Variants in PCDH7 observed in about 807,000 individuals in gnomAD.
PCDH7 encodes protocadherin-7.
Under a neutral mutation model 58.9 loss-of-function variants are expected in PCDH7, and 17 were observed. The observed-to-expected ratio is 0.29, with a 90% confidence interval of 0.20 to 0.43. The LOEUF (loss-of-function observed/expected upper bound fraction) is 0.43. Ranked by LOEUF, PCDH7 falls within the 20% of genes least tolerant of loss-of-function variation. The probability of loss-of-function intolerance (pLI) is 1.00; values close to 1 mark genes in which losing one functional copy is unlikely to be tolerated. For missense variants in PCDH7, 1,274 were observed against 1,441.0 expected (o/e 0.88, Z 1.88); for synonymous variants, 664 against 616.4 (o/e 1.08, Z -1.14).
chr4:31,034,258 G>C (rs980318635), intron 3 of PCDH7, among the ~76,000 whole-genome samples: 4 of 151,932 alleles, frequency 2.6e-5, no homozygotes, highest in Non-Finnish European at 5.9e-5. Context: ...ACATCGAGTT[G>C]GACCTTGGCT....
chr4:30,967,093 G>T (rs1260292463), intron 3 of PCDH7, among the ~76,000 whole-genome samples: 1 of 152,012 alleles, frequency 6.6e-6, no homozygotes, highest in East Asian at 1.9e-4. Flanking sequence ...TATTTAAAGT[G>T]AAAATAATTT....
intron 3 of PCDH7, among the ~76,000 whole-genome samples, chr4:31,137,110 C>A (rs1220119949): frequency 6.6e-6 from 1 of 152,020 alleles, no homozygotes; most frequent in Admixed American, 6.6e-5. Flanking sequence ...TTTGTAAAAC[C>A]TTTTGTAAGT....
intron 3 of PCDH7, among the ~76,000 whole-genome samples, chr4:30,997,214 G>A (rs529500071): frequency 6.6e-6 from 1 of 152,066 alleles, no homozygotes; most frequent in Non-Finnish European, 1.5e-5. Context: ...CAAAATAAAT[G>A]TATTTATAAT....
chr4:30,948,135 T>C (rs1400511690), intron 2 of PCDH7, among the ~76,000 whole-genome samples: 3 of 152,102 alleles, frequency 2.0e-5, no homozygotes, highest in African/African-American at 7.2e-5. Context: ...GTGTATATAT[T>C]TACTTTTTAT....
chr4:31,097,637 T>TATATATATATATAA (rs1553850696), intron 3 of PCDH7, among the ~76,000 whole-genome samples: 2 of 89,296 alleles, frequency 2.2e-5, no homozygotes, highest in Non-Finnish European at 4.1e-5. Context: ...TATATATATA[T>TATATATATATATAA]AAATCTTTTT....
At chr4:30,824,331 T>G (rs1728835839) in intron 1 of PCDH7, among the ~76,000 whole-genome samples, 1 of 152,020 alleles carries the variant, frequency 6.6e-6, no homozygotes, top group African/African-American at 2.4e-5. Context: ...TGAAATCTGA[T>G]TTAATGTTCT....
intron 3 of PCDH7, among the ~76,000 whole-genome samples, chr4:30,981,278 T>A (rs892337894): frequency 6.6e-6 from 1 of 152,240 alleles, no homozygotes; most frequent in Non-Finnish European, 1.5e-5. Context: ...ACTACAAAGC[T>A]CAGTGATCTA....
At chr4:30,762,194 T>A (rs1479975241) in intron 1 of PCDH7, among the ~76,000 whole-genome samples, 1 of 152,336 alleles carries the variant, frequency 6.6e-6, no homozygotes, top group East Asian at 1.9e-4. Flanking sequence ...CTGTGTGTTA[T>A]TAAAATGCTG....
At chr4:30,969,055 A>C (rs955317356) in intron 3 of PCDH7, among the ~76,000 whole-genome samples, 2 of 152,330 alleles carry the variant, frequency 1.3e-5, no homozygotes, top group East Asian at 1.9e-4. Context: ...ATATTTACTG[A>C]GAGCCTGTTT....
chr4:30,922,177 T>A (rs1743265637), intron 2 of PCDH7, among the ~76,000 whole-genome samples: 1 of 151,556 alleles, frequency 6.6e-6, no homozygotes, highest in Non-Finnish European at 1.5e-5. Context: ...TAATTACTTA[T>A]ATGTACATAT....
At chr4:31,030,291 C>T (rs1754792168) in intron 3 of PCDH7, among the ~76,000 whole-genome samples, 1 of 152,122 alleles carries the variant, frequency 6.6e-6, no homozygotes, top group Non-Finnish European at 1.5e-5. Flanking sequence ...GCTTTGTCTT[C>T]TTTAGGGCCA....
At chr4:30,932,516 C>G (rs934718109) in intron 2 of PCDH7, among the ~76,000 whole-genome samples, 1 of 152,136 alleles carries the variant, frequency 6.6e-6, no homozygotes, top group East Asian at 1.9e-4. Context: ...TCAAGATAAT[C>G]TAAACAATTG....
intron 1 of PCDH7, among the ~76,000 whole-genome samples, chr4:30,821,619 T>C (rs759540578): frequency 1.3e-5 from 2 of 152,198 alleles, no homozygotes; most frequent in Non-Finnish European, 2.9e-5. Flanking sequence ...AGTGTTCCTC[T>C]TACTACAAAT....
At chr4:30,861,412 C>G (rs1229503644) in intron 1 of PCDH7, among the ~76,000 whole-genome samples, 1 of 142,136 alleles carries the variant, frequency 7.0e-6, no homozygotes, top group Non-Finnish European at 1.6e-5. Flanking sequence ...TTATAGTAAC[C>G]ACATGAGTGA....
At chr4:30,870,393 T>A (rs953563284) in intron 1 of PCDH7, among the ~76,000 whole-genome samples, 1 of 152,180 alleles carries the variant, frequency 6.6e-6, no homozygotes, top group African/African-American at 2.4e-5. Context: ...GCCTAGGTTT[T>A]CTTCCAGGGA....
chr4:30,999,119 T>C (rs1322446626), intron 3 of PCDH7, among the ~76,000 whole-genome samples: 2 of 152,128 alleles, frequency 1.3e-5, no homozygotes, highest in Non-Finnish European at 2.9e-5. Flanking sequence ...GGCTGTGACC[T>C]ATAACATCTA....
At chr4:31,003,025 C>T (rs1429871667) in intron 3 of PCDH7, among the ~76,000 whole-genome samples, 2 of 152,172 alleles carry the variant, frequency 1.3e-5, no homozygotes, top group Non-Finnish European at 2.9e-5. Context: ...AACGTAATAA[C>T]TATTTTCACA....
chr4:30,868,691 C>A (rs1182772960), intron 1 of PCDH7, among the ~76,000 whole-genome samples: 1 of 151,912 alleles, frequency 6.6e-6, no homozygotes, highest in Middle Eastern at 3.2e-3. Flanking sequence ...GAATTCTTGA[C>A]CCCTGGAATA....
At chr4:30,736,290 A>G (rs1045951531), downstream of PCDH7, among the ~76,000 whole-genome samples, 2 of 152,100 alleles carry the variant, frequency 1.3e-5, no homozygotes, top group East Asian at 3.9e-4. Flanking sequence ...CCTACCCCAT[A>G]CTGGTTGGAT....
Sources: allele counts gnomAD v4.1 joint callset (sites outside exome capture counted in the v4.1 genomes callset), GRCh38; gene constraint gnomAD v4.1.1; transcripts MANE v1.5; gene names NCBI Gene and HGNC (gene_info 2026-07-23, HGNC 2026-07-21).